The following NEGR1 variants were observed in gnomAD, a reference collection of about 807,000 sequenced individuals.
NEGR1 encodes the protein neuronal growth regulator 1.
A neutral mutation model predicts 40.9 loss-of-function variants in NEGR1; 10 were observed. That is an observed-to-expected ratio of 0.24 (90% CI 0.15 to 0.42). NEGR1 has a LOEUF of 0.42. Among genes scored for constraint, NEGR1 ranks in the 10% least tolerant of loss-of-function variants. The pLI is 1.00. For missense variants in NEGR1, 352 were observed against 438.9 expected, an observed-to-expected ratio of 0.80 and a Z score of 1.77; for synonymous variants, 185 against 166.8, an observed-to-expected ratio of 1.11 and a Z score of -0.84.
intron 6 of NEGR1, among the ~76,000 whole-genome samples, chr1:71,494,998 C>A (rs1646952569): frequency 6.6e-6 from 1 of 152,148 alleles, no homozygotes; most frequent in African/African-American, 2.4e-5. Context: ...CACTTAATAA[C>A]TAGAAAATAT....
intron 3 of NEGR1, among the ~76,000 whole-genome samples, chr1:71,736,813 T>A (rs553779221): frequency 6.6e-6 from 1 of 152,214 alleles, no homozygotes; most frequent in Non-Finnish European, 1.5e-5. Flanking sequence ...CATTTTTAGA[T>A]ATGCAGAAGG....
intron 1 of NEGR1, among the ~76,000 whole-genome samples, chr1:72,244,656 C>A (rs755455394): frequency 6.6e-6 from 1 of 151,854 alleles, no homozygotes; most frequent in Non-Finnish European, 1.5e-5. Context: ...CATTGTTCCC[C>A]GGGGGACATA....
intron 6 of NEGR1, among the ~76,000 whole-genome samples, chr1:71,513,774 G>A (rs983297483): frequency 4.0e-5 from 6 of 151,890 alleles, no homozygotes; most frequent in East Asian, 1.9e-4. Context: ...CGTGAGCGAC[G>A]CAGAAGACGG....
At position 71,400,416 on chromosome 1, in the gene NEGR1, T is replaced by C. The variant is rs57378617; in HGVS notation, c.*7030A>G. 1.3e-3 allele frequency: 200 copies of C among 152,134 alleles called. 1 individual carries two copies. The highest frequency in any genetic ancestry group is 4.2e-3 in the African/African-American group (174 of 41,504). 9.4% of individuals were successfully genotyped at this position (152,134 alleles called of 1,614,324 possible). On this transcript the variant is annotated 3_prime_UTR_variant, in exon 7 of 7. Transcript: ENST00000357731. ...TGTTTTTGATATAAAATTCCTGTTATACCATGAATTAAATGCCCCTGTGAC... is the reference window on the plus strand; with the variant it reads ...TGTTTTTGATATAAAATTCCTGTTACACCATGAATTAAATGCCCCTGTGAC...
intron 1 of NEGR1, among the ~76,000 whole-genome samples, chr1:71,961,983 C>T (rs1432233101): frequency 6.6e-6 from 1 of 151,868 alleles, no homozygotes; most frequent in East Asian, 1.9e-4. Flanking sequence ...AGTTTGGGGG[C>T]TACATTAAGA....
chr1:71,990,437 C>G (rs149240483), intron 1 of NEGR1, among the ~76,000 whole-genome samples: 348 of 152,210 alleles, frequency 2.3e-3, no homozygotes, highest in African/African-American at 8.0e-3. Context: ...TTTCCAAGAT[C>G]CAAGATCACA....
chr1:72,144,449 ACTACATATAT>A (rs763082985), intron 1 of NEGR1, among the ~76,000 whole-genome samples: 33,789 of 151,466 alleles, frequency 0.22, 4,324 homozygotes, highest in Non-Finnish European at 0.29. Flanking sequence ...CAGATAACAA[ACTACATATAT>A]GCACATAAAC....
At chr1:71,449,072 G>T (rs929420493) in intron 6 of NEGR1, among the ~76,000 whole-genome samples, 1 of 152,146 alleles carries the variant, frequency 6.6e-6, no homozygotes. Context: ...GACATAATCT[G>T]CACTACCCAT....
chr1:72,253,045 A>C (rs1655158231), intron 1 of NEGR1, among the ~76,000 whole-genome samples: 2 of 152,324 alleles, frequency 1.3e-5, no homozygotes, highest in Admixed American at 1.3e-4. Context: ...GACACTGAGA[A>C]GACTTCCTTT....
chr1:71,894,600 A>G (rs1319203246), intron 2 of NEGR1, among the ~76,000 whole-genome samples: 2 of 152,226 alleles, frequency 1.3e-5, no homozygotes, highest in African/African-American at 4.8e-5. Flanking sequence ...GACAAATCCA[A>G]TCAAGACTCC....
intron 2 of NEGR1, among the ~76,000 whole-genome samples, chr1:71,897,405 A>G (rs1442814059): frequency 2.0e-5 from 3 of 152,170 alleles, no homozygotes; most frequent in African/African-American, 7.2e-5. Flanking sequence ...ATCCCTTGAA[A>G]AGCCCCTCAA....
chr1:71,824,735 T>C (rs916162557), intron 2 of NEGR1, among the ~76,000 whole-genome samples: 4 of 151,946 alleles, frequency 2.6e-5, no homozygotes, highest in African/African-American at 7.2e-5. Flanking sequence ...CATAAATAGT[T>C]TGGGCTATTT....
At chr1:71,459,426 T>A (rs1569898588) in intron 6 of NEGR1, among the ~76,000 whole-genome samples, 1 of 152,210 alleles carries the variant, frequency 6.6e-6, no homozygotes, top group East Asian at 1.9e-4. Flanking sequence ...GTATGTCACT[T>A]CCACACTTAA....
Position 71,771,817 on chromosome 1 carries a change from G to C in NEGR1, c.535+4355C>G, listed in dbSNP as rs146698698. On this transcript the variant is annotated intron_variant, in intron 3 of 6. Transcript: ENST00000357731. ...ACAGTAGAATGTCAAGTGCTAACTAGTAAAAGCAGAAGGACTGCTGAATCT... is the reference window on the plus strand; with the variant it reads ...ACAGTAGAATGTCAAGTGCTAACTACTAAAAGCAGAAGGACTGCTGAATCT... Among the ~76,000 whole-genome samples, 624 of 151,298 alleles carry C rather than the reference G, an allele frequency of 4.1e-3. 3 individuals are homozygous for C. In the Middle Eastern group the frequency reaches 0.048, roughly 12 times the overall value.
At chr1:71,682,962 G>A (rs1652889938) in intron 4 of NEGR1, among the ~76,000 whole-genome samples, 1 of 152,092 alleles carries the variant, frequency 6.6e-6, no homozygotes, top group South Asian at 2.1e-4. Context: ...CCAGAGACAG[G>A]TATCAGGGCG....
chr1:71,796,741 T>C (rs1359353806), intron 2 of NEGR1, among the ~76,000 whole-genome samples: 2 of 152,080 alleles, frequency 1.3e-5, no homozygotes, highest in Non-Finnish European at 2.9e-5. Context: ...TTCTTTACAA[T>C]CTCTTTAGAG....
intron 3 of NEGR1, among the ~76,000 whole-genome samples, chr1:71,775,325 T>C (rs1364508391): frequency 1.3e-5 from 2 of 150,880 alleles, no homozygotes; most frequent in Admixed American, 6.7e-5. Flanking sequence ...TTCTGGACTC[T>C]GAGTGAAAAG....
At chr1:71,737,623 A>C (rs980072881) in intron 3 of NEGR1, among the ~76,000 whole-genome samples, 3 of 152,182 alleles carry the variant, frequency 2.0e-5, no homozygotes, top group African/African-American at 7.2e-5. Context: ...TAACTCTATT[A>C]ATTTGTTAAT....
chr1:71,418,666 G>A (rs570876644), intron 6 of NEGR1, among the ~76,000 whole-genome samples: 4 of 151,870 alleles, frequency 2.6e-5, no homozygotes, highest in East Asian at 1.9e-4. Context: ...AATAACTTAA[G>A]AAGAAATGTA....
Sources: allele counts gnomAD v4.1 joint callset (sites outside exome capture counted in the v4.1 genomes callset), GRCh38; gene constraint gnomAD v4.1.1; transcripts MANE v1.5; gene names NCBI Gene and HGNC (gene_info 2026-07-23, HGNC 2026-07-21).